Variants in DGKI observed in about 807,000 individuals in gnomAD.
The protein encoded by DGKI is DAG kinase iota.
A neutral mutation model predicts 147.5 loss-of-function variants in DGKI; 55 were observed. The observed-to-expected ratio is 0.37, with a 90% CI of 0.30 to 0.47. The LOEUF is 0.47. Among genes scored for constraint, DGKI ranks in the 20% least tolerant of loss-of-function variants. The probability of loss-of-function intolerance (pLI) is 1.00; values close to 1 mark genes in which losing one functional copy is unlikely to be tolerated. For missense variants in DGKI, 1,007 were observed against 1,323.8 expected, an observed-to-expected ratio of 0.76 and a Z score of 3.71; for synonymous variants, 469 against 477.1, an observed-to-expected ratio of 0.98 and a Z score of 0.22.
At chr7:137,537,913 G>C (rs916491326) in intron 20 of DGKI, among the ~76,000 whole-genome samples, 1 of 152,158 alleles carries the variant, frequency 6.6e-6, no homozygotes, top group Non-Finnish European at 1.5e-5. Context: ...TTTATAAAGA[G>C]AGGAAAGGAA....
At chr7:137,493,238 A>AC (rs1815836803) in intron 21 of DGKI, among the ~76,000 whole-genome samples, 1 of 151,934 alleles carries the variant, frequency 6.6e-6, no homozygotes, top group Non-Finnish European at 1.5e-5. Context: ...GAATGCACAC[A>AC]TGGAGACCAC....
chr7:137,832,077 G>A (rs972416418), intron 1 of DGKI, among the ~76,000 whole-genome samples: 1 of 152,226 alleles, frequency 6.6e-6, no homozygotes, highest in Non-Finnish European at 1.5e-5. Context: ...CCACCCTTGT[G>A]GCTTCGCAGG....
At chr7:137,648,526 C>A (rs1443104737) in intron 5 of DGKI, among the ~76,000 whole-genome samples, 1 of 152,194 alleles carries the variant, frequency 6.6e-6, no homozygotes, top group Non-Finnish European at 1.5e-5. Flanking sequence ...TTTACATATA[C>A]AACGATTCTT....
intron 27 of DGKI, among the ~76,000 whole-genome samples, chr7:137,459,295 G>A (rs893358140): frequency 7.9e-5 from 12 of 152,084 alleles, no homozygotes; most frequent in African/African-American, 2.9e-4. Flanking sequence ...AGCCGGGTCA[G>A]TTGCAATTTG....
chr7:137,529,670 C>G (rs933207710), intron 20 of DGKI, among the ~76,000 whole-genome samples: 2 of 152,200 alleles, frequency 1.3e-5, no homozygotes, highest in African/African-American at 4.8e-5. Flanking sequence ...CTTCTGGCCA[C>G]CTGTTTCCTT....
chr7:137,805,805 A>C (rs1797347546), intron 1 of DGKI, among the ~76,000 whole-genome samples: 1 of 152,214 alleles, frequency 6.6e-6, no homozygotes, highest in African/African-American at 2.4e-5. Flanking sequence ...GAGATCACAA[A>C]GGTTCATGCT....
Position 137,846,420 on chromosome 7 carries a change from G to A in DGKI, c.401+42C>T. The A allele has an allele frequency of 6.7e-7, 1 of 1,483,658 alleles. No individual in the cohort carries two copies. The highest frequency in any genetic ancestry group is 1.8e-5 in the Admixed American group (1 of 56,316). The allele number at this position is 1,483,658 out of a possible 1,614,324, so 91.9% of individuals were successfully genotyped here. A position where few individuals can be genotyped will look rare whatever the true frequency, so the allele number is the denominator to read the frequency against. On this transcript the variant is annotated intron_variant, in intron 1 of 32. Coordinates refer to ENST00000614521, the MANE Select transcript of DGKI (RefSeq NM_001321708.2). The surrounding 1 kb of genome is among the most constrained non-coding windows in gnomAD (Gnocchi z 4.0). ...TGCTGGGTAGAAGAGTGGGTCTCCC[G>A]CCGCGGCGCACCTGTCTCGGCTGCC... is the stretch of plus-strand genomic sequence containing the variant.
chr7:137,463,763 A>C, intron 26 of DGKI, 152 bp from the exon 27 acceptor site: 1 of 836,738 alleles, frequency 1.2e-6, no homozygotes, highest in Non-Finnish European at 1.8e-6. Flanking sequence ...TTATTATTTC[A>C]TTCATTTATC....
intron 8 of DGKI, among the ~76,000 whole-genome samples, chr7:137,613,787 TATA>T (rs1412025044): frequency 1.3e-5 from 2 of 152,166 alleles, no homozygotes; most frequent in African/African-American, 2.4e-5. Flanking sequence ...TAAGTCTACA[TATA>T]ATAACAGACT....
At chr7:137,465,203 C>G (rs1436214412) in intron 26 of DGKI, among the ~76,000 whole-genome samples, 1 of 152,042 alleles carries the variant, frequency 6.6e-6, no homozygotes, top group Non-Finnish European at 1.5e-5. Flanking sequence ...ATTTTTTAAT[C>G]TATGAATTAA....
intron 28 of DGKI, among the ~76,000 whole-genome samples, chr7:137,425,039 G>A (rs947036122): frequency 0.026 from 1 of 38 alleles, no homozygotes; most frequent in Admixed American, 0.17. Flanking sequence ...GAGAGCAGTG[G>A]TTCTCCCCAG....
intron 21 of DGKI, among the ~76,000 whole-genome samples, chr7:137,496,595 A>T (rs1229495050): frequency 7.4e-6 from 1 of 135,776 alleles, no homozygotes; most frequent in South Asian, 2.1e-4. Flanking sequence ...TACTGGTACA[A>T]AAACAGACAC....
At chr7:137,604,639 G>C (rs1364684152) in intron 10 of DGKI, among the ~76,000 whole-genome samples, 1 of 152,112 alleles carries the variant, frequency 6.6e-6, no homozygotes, top group Non-Finnish European at 1.5e-5. Context: ...ATTCCACATC[G>C]AACAGTGTGC....
chr7:137,497,737 G>A (rs1422391116), intron 21 of DGKI, among the ~76,000 whole-genome samples: 4 of 152,150 alleles, frequency 2.6e-5, no homozygotes, highest in South Asian at 4.1e-4. Context: ...TTATAAGTAG[G>A]ACACAAATAT....
At chr7:137,797,487 T>C (rs1211462719) in intron 1 of DGKI, among the ~76,000 whole-genome samples, 1 of 152,154 alleles carries the variant, frequency 6.6e-6, no homozygotes, top group Non-Finnish European at 1.5e-5. Flanking sequence ...ATAATGTTGA[T>C]ATAGTTATAA....
chr7:137,483,544 A>T (rs1815445745), intron 23 of DGKI, among the ~76,000 whole-genome samples: 1 of 152,022 alleles, frequency 6.6e-6, no homozygotes, highest in Non-Finnish European at 1.5e-5. Flanking sequence ...ATCAACCCAT[A>T]CCCTAGGTAT....
At chr7:137,588,905 CAG>C (rs1819512190) in intron 12 of DGKI, among the ~76,000 whole-genome samples, 1 of 152,046 alleles carries the variant, frequency 6.6e-6, no homozygotes, top group African/African-American at 2.4e-5. Flanking sequence ...GATAAGGAAA[CAG>C]AGAATTGGAA....
intron 8 of DGKI, among the ~76,000 whole-genome samples, chr7:137,618,888 C>T (rs1023017963): frequency 3.3e-5 from 5 of 152,234 alleles, no homozygotes; most frequent in East Asian, 1.9e-4. Context: ...TATTCGTAAA[C>T]ATTACTCATC....
intron 10 of DGKI, among the ~76,000 whole-genome samples, chr7:137,602,934 A>C (rs1485207796): frequency 6.6e-6 from 1 of 152,112 alleles, no homozygotes; most frequent in Non-Finnish European, 1.5e-5. Context: ...CAATCCATGC[A>C]TGCTACTGTA....
Sources: gnomAD v4.1 joint callset for allele counts (sites outside exome capture counted in the v4.1 genomes callset) on GRCh38, gnomAD v4.1.1 for gene constraint, Gnocchi (gnomAD v3.1) non-coding constraint, MANE v1.5 for transcripts, NCBI Gene and HGNC (gene_info 2026-07-23, HGNC 2026-07-21) for gene names.